Variants in CEP112 observed in about 807,000 individuals in gnomAD.
The protein encoded by CEP112 is centrosomal protein of 112 kDa.
A neutral mutation model predicts 153.0 loss-of-function variants in CEP112; 127 were observed. The ratio of observed to expected loss-of-function variants is 0.83; its 90% confidence interval spans 0.72 to 0.96. The LOEUF is 0.96. Among genes scored for constraint, CEP112 ranks in the 40% least tolerant of loss-of-function variants. CEP112 has a pLI of 0.00. For synonymous variants in CEP112, 358 were observed against 374.4 expected (o/e 0.96, Z 0.51); for missense variants, 1,089 against 1,101.2 (o/e 0.99, Z 0.16).
At chr17:65,885,859 A>G (rs926156034) in intron 20 of CEP112, among the ~76,000 whole-genome samples, 1 of 152,226 alleles carries the variant, frequency 6.6e-6, no homozygotes, top group African/African-American at 2.4e-5. Context: ...TATAATCATA[A>G]GCTTCTGGTG....
chr17:65,993,473 C>T (rs1193829125), intron 17 of CEP112, among the ~76,000 whole-genome samples: 1 of 151,978 alleles, frequency 6.6e-6, no homozygotes, highest in Admixed American at 6.6e-5. Flanking sequence ...CTTAACAAAA[C>T]ATAAAAGCAT....
intron 21 of CEP112, among the ~76,000 whole-genome samples, chr17:65,842,696 C>T (rs1415057605): frequency 6.6e-6 from 1 of 152,072 alleles, no homozygotes; most frequent in Non-Finnish European, 1.5e-5. Flanking sequence ...GATACGAGTG[C>T]CTCACATACA....
intron 17 of CEP112, among the ~76,000 whole-genome samples, chr17:65,990,036 A>T (rs532666368): frequency 6.6e-6 from 1 of 152,326 alleles, no homozygotes; most frequent in East Asian, 1.9e-4. Context: ...AGATTTACTA[A>T]AAATAAAAAG....
intron 4 of CEP112, among the ~76,000 whole-genome samples, chr17:66,140,055 G>A (rs1717466953): frequency 6.6e-6 from 1 of 152,048 alleles, no homozygotes; most frequent in Non-Finnish European, 1.5e-5. Flanking sequence ...TGAATTCCAT[G>A]GCACATTAAA....
intron 8 of CEP112, among the ~76,000 whole-genome samples, chr17:66,082,138 T>C (rs1180510658): frequency 4.6e-5 from 7 of 152,332 alleles, no homozygotes; most frequent in African/African-American, 1.2e-4. Context: ...CTCTGAAAAA[T>C]TGACCTCTTC....
At chr17:65,997,133 C>A (rs1190697116) in intron 17 of CEP112, among the ~76,000 whole-genome samples, 1 of 152,116 alleles carries the variant, frequency 6.6e-6, no homozygotes, top group Admixed American at 6.5e-5. Context: ...ATTGCTTGAA[C>A]CCAGGAGGCG....
At chr17:66,011,790 C>G (rs1352831286) in intron 16 of CEP112, among the ~76,000 whole-genome samples, 1 of 152,108 alleles carries the variant, frequency 6.6e-6, no homozygotes, top group Non-Finnish European at 1.5e-5. Flanking sequence ...CCTTGATGAT[C>G]TGACATTTGA....
At chr17:66,132,465 C>A (rs967751922) in intron 5 of CEP112, among the ~76,000 whole-genome samples, 1 of 152,100 alleles carries the variant, frequency 6.6e-6, no homozygotes, top group African/African-American at 2.4e-5. Flanking sequence ...GAATATAACA[C>A]CTCAGAATCA....
chr17:65,920,365 ATATATATATATATATATATAT>A (rs2060664945), intron 19 of CEP112, among the ~76,000 whole-genome samples: 1 of 32,822 alleles, frequency 3.0e-5, no homozygotes, highest in South Asian at 1.2e-3. Flanking sequence ...CAAACAAAAT[ATATATATATATATATATATAT>A]ATATATATAT....
At chr17:65,959,694 T>G (rs1049188332) in intron 18 of CEP112, among the ~76,000 whole-genome samples, 1 of 152,214 alleles carries the variant, frequency 6.6e-6, no homozygotes, top group Non-Finnish European at 1.5e-5. Flanking sequence ...TTGTGGAAGC[T>G]GCTTGCAGTA....
At chr17:66,027,976 A>C (rs1276072774) in intron 15 of CEP112, among the ~76,000 whole-genome samples, 1 of 121,198 alleles carries the variant, frequency 8.3e-6, no homozygotes, top group Admixed American at 1.1e-4. Context: ...GCAGAGAAAG[A>C]AAGAGGGAAA....
intron 19 of CEP112, among the ~76,000 whole-genome samples, chr17:65,909,168 C>T (rs1477930604): frequency 6.6e-6 from 1 of 152,162 alleles, no homozygotes. Context: ...AAACATAAAT[C>T]ATAGAAGGAT....
intron 8 of CEP112, among the ~76,000 whole-genome samples, chr17:66,074,655 G>C (rs1568461861): frequency 6.6e-6 from 1 of 152,060 alleles, no homozygotes; most frequent in Non-Finnish European, 1.5e-5. Context: ...ACAAGGTCAA[G>C]AGTTCGAGGC....
intron 20 of CEP112, among the ~76,000 whole-genome samples, chr17:65,868,437 T>C (rs2058552254): frequency 6.6e-6 from 1 of 151,450 alleles, no homozygotes. Flanking sequence ...GAGATAAAGG[T>C]TGCAGCAAGC....
intron 12 of CEP112, among the ~76,000 whole-genome samples, chr17:66,034,099 A>C (rs901389011): frequency 1.3e-5 from 2 of 152,194 alleles, no homozygotes; most frequent in Admixed American, 6.6e-5. Flanking sequence ...TCCTGGAACC[A>C]ATCCCCTGCA....
At chr17:65,670,078 T>C (rs1272955319) in intron 24 of CEP112, among the ~76,000 whole-genome samples, 1 of 152,040 alleles carries the variant, frequency 6.6e-6, no homozygotes, top group Non-Finnish European at 1.5e-5. Flanking sequence ...GCTGAATAAA[T>C]GTTTGCTGAA....
intron 4 of CEP112, among the ~76,000 whole-genome samples, chr17:66,174,208 G>A (rs1017972828): frequency 2.0e-4 from 31 of 152,146 alleles, no homozygotes; most frequent in Admixed American, 1.2e-3. Flanking sequence ...GATGACAGGC[G>A]TGAGCCACCA....
intron 22 of CEP112, among the ~76,000 whole-genome samples, chr17:65,748,078 CTT>C (rs2051584790): frequency 6.6e-6 from 1 of 152,136 alleles, no homozygotes; most frequent in African/African-American, 2.4e-5. Flanking sequence ...AATCCACAGT[CTT>C]GTTTTATAAT....
intron 22 of CEP112, among the ~76,000 whole-genome samples, chr17:65,744,702 C>T (rs1477593654): frequency 6.6e-6 from 1 of 152,182 alleles, no homozygotes; most frequent in African/African-American, 2.4e-5. Flanking sequence ...AGAATCTGTT[C>T]TCTCCAGACA....
Sources: allele counts gnomAD v4.1 joint callset (sites outside exome capture counted in the v4.1 genomes callset), GRCh38; gene constraint gnomAD v4.1.1; transcripts MANE v1.5; gene names NCBI Gene and HGNC (gene_info 2026-07-23, HGNC 2026-07-21).